MSH3: variants seen among roughly 807,000 people sequenced by gnomAD.
MSH3 encodes the protein mutS homolog 3.
Under a neutral mutation model 123.3 loss-of-function variants are expected in MSH3, and 106 were observed. That is an observed-to-expected ratio of 0.86 (90% CI 0.73 to 1.01). MSH3 has a LOEUF of 1.01. Among genes scored for constraint, MSH3 ranks in the 50% least tolerant of loss-of-function variants. MSH3 has a pLI of 0.00. For missense variants in MSH3, 1,459 were observed against 1,347.6 expected (o/e 1.08, Z -1.29); for synonymous variants, 515 against 481.4 (o/e 1.07, Z -0.91).
At chr5:80,759,544 G>C (rs1040171642) in intron 12 of MSH3, among the ~76,000 whole-genome samples, 1 of 152,196 alleles carries the variant, frequency 6.6e-6, no homozygotes, top group East Asian at 1.9e-4. Flanking sequence ...GATCTCAGGG[G>C]AGACCCAAGA....
At chr5:80,875,711 A>G in intron 23 of MSH3, 40 bp from the exon 24 acceptor site, 1 of 1,192,164 alleles carries the variant, frequency 8.4e-7, no homozygotes, top group Non-Finnish European at 1.2e-6. Context: ...TCTCCCAGCA[A>G]TTTCATTTAT....
chr5:80,743,106 A>G (rs1029789542), intron 11 of MSH3, among the ~76,000 whole-genome samples: 1 of 152,072 alleles, frequency 6.6e-6, no homozygotes, highest in South Asian at 2.1e-4. Context: ...GGTGCAGGGT[A>G]GGAGTTGGGT....
chr5:80,707,016 T>G (rs1750741568), intron 8 of MSH3, among the ~76,000 whole-genome samples: 1 of 152,228 alleles, frequency 6.6e-6, no homozygotes, highest in African/African-American at 2.4e-5. Context: ...TTTGCCTTTT[T>G]GCAGTGGTTT....
chr5:80,788,420 AAG>A (rs1294073415), intron 18 of MSH3, among the ~76,000 whole-genome samples: 3 of 152,082 alleles, frequency 2.0e-5, no homozygotes, highest in African/African-American at 7.2e-5. Context: ...CAGCCTGGGC[AAG>A]AGAGTGAGAC....
intron 21 of MSH3, among the ~76,000 whole-genome samples, chr5:80,860,016 A>C (rs1229181446): frequency 6.6e-6 from 1 of 152,134 alleles, no homozygotes; most frequent in East Asian, 1.9e-4. Flanking sequence ...TGAGTAATGC[A>C]CGTATTTTTT....
At chr5:80,830,747 G>A (rs1364855264) in intron 20 of MSH3, among the ~76,000 whole-genome samples, 1 of 152,184 alleles carries the variant, frequency 6.6e-6, no homozygotes, top group African/African-American at 2.4e-5. Context: ...CTTCGTAAGT[G>A]TCCTACACAT....
At chr5:80,667,906 G>C (rs1326408582) in intron 3 of MSH3, among the ~76,000 whole-genome samples, 1 of 152,174 alleles carries the variant, frequency 6.6e-6, no homozygotes, top group African/African-American at 2.4e-5. Flanking sequence ...ATGGGTTTCA[G>C]GCCTGTTTGT....
rs1745051746 is a variant in MSH3 at position 80,813,779 on chromosome 5, A to G, written c.2813+38A>G. The G allele has an allele frequency of 1.2e-6, 2 of 1,607,722 alleles. No individual in the cohort carries two copies. Among genetic ancestry groups the G allele is most frequent in the African/African-American group, 1.3e-5 (1 of 74,898 alleles). On this transcript the variant is annotated intron_variant, in intron 20 of 23. Transcript: ENST00000265081. Reference sequence around the variant, plus strand: ...ATTCAGCTTGCATATATTCTTGAAAATAAGTCAAGCCCACATTATCGCATG... The same window carrying G: ...ATTCAGCTTGCATATATTCTTGAAAGTAAGTCAAGCCCACATTATCGCATG...
At position 80,705,228 on chromosome 5, in the gene MSH3, T is replaced by G. The variant is rs1236230207; in HGVS notation, c.1341-20225T>G. On this transcript the variant is annotated intron_variant, in intron 8 of 23. Transcript: ENST00000265081. ...TTTTAAATATTCTGTATACTAACAG[T>G]CTTATTGCTTTCATGAAGCTGCCCT... Among the ~76,000 whole-genome samples the G allele has an allele frequency of 3.3e-5, 5 of 152,306 alleles. No individual in the cohort carries two copies. In the East Asian group the frequency reaches 9.6e-4, roughly 29 times the overall value.
intron 8 of MSH3, among the ~76,000 whole-genome samples, chr5:80,724,114 A>G (rs1751143867): frequency 6.6e-6 from 1 of 152,222 alleles, no homozygotes; most frequent in Non-Finnish European, 1.5e-5. Context: ...TGTGCAGGCT[A>G]CAACTGTAAC....
chr5:80,762,759 T>C (rs2112880803), intron 13 of MSH3, among the ~76,000 whole-genome samples: 1 of 150,058 alleles, frequency 6.7e-6, no homozygotes, highest in Admixed American at 6.6e-5. Flanking sequence ...TATTTTGTTT[T>C]ATTTTATTTT....
chr5:80,848,099 C>A (rs990266160), intron 20 of MSH3, among the ~76,000 whole-genome samples: 3 of 152,192 alleles, frequency 2.0e-5, no homozygotes, highest in African/African-American at 7.2e-5. Context: ...ATTAGCCAGG[C>A]ATGCCTGTAG....
At chr5:80,692,621 A>G (rs114811201) in intron 8 of MSH3, among the ~76,000 whole-genome samples, 1 of 145,792 alleles carries the variant, frequency 6.9e-6, no homozygotes, top group South Asian at 2.2e-4. Context: ...AATATATATA[A>G]ACATGTATAT....
At chr5:80,776,050 C>T (rs1312401254) in intron 16 of MSH3, among the ~76,000 whole-genome samples, 5 of 151,898 alleles carry the variant, frequency 3.3e-5, no homozygotes, top group South Asian at 2.1e-4. Context: ...CTACAACCCC[C>T]GGCTAATTTT....
At chr5:80,724,861 T>C (rs1743241235) in intron 8 of MSH3, among the ~76,000 whole-genome samples, 1 of 152,194 alleles carries the variant, frequency 6.6e-6, no homozygotes, top group Admixed American at 6.5e-5. Context: ...GTTTTTCTTT[T>C]TAAATAATGA....
intron 20 of MSH3, among the ~76,000 whole-genome samples, chr5:80,818,402 CAAAAAAAA>C (rs71603566): frequency 3.1e-5 from 2 of 63,832 alleles, no homozygotes; most frequent in Non-Finnish European, 5.5e-5. Context: ...ATAGCAATGA[CAAAAAAAA>C]AAAAAAAAAA....
chr5:80,668,948 A>C (rs916723618), intron 3 of MSH3, among the ~76,000 whole-genome samples: 1 of 152,196 alleles, frequency 6.6e-6, no homozygotes, highest in African/African-American at 2.4e-5. Context: ...TGGAGCATGC[A>C]GCCCTGGCTG....
At chr5:80,822,148 A>T (rs1209139798) in intron 20 of MSH3, among the ~76,000 whole-genome samples, 2 of 152,318 alleles carry the variant, frequency 1.3e-5, no homozygotes, top group South Asian at 2.1e-4. Flanking sequence ...AAGATTCTGT[A>T]CAAGTTCTCC....
At chr5:80,776,507 T>G (rs935641506) in intron 16 of MSH3, among the ~76,000 whole-genome samples, 3 of 152,180 alleles carry the variant, frequency 2.0e-5, no homozygotes, top group African/African-American at 7.2e-5. Context: ...ATAATTATTA[T>G]AATTCTTTAC....
Sources: gnomAD v4.1 joint callset for allele counts (sites outside exome capture counted in the v4.1 genomes callset) on GRCh38, gnomAD v4.1.1 for gene constraint, MANE v1.5 for transcripts, NCBI Gene and HGNC (gene_info 2026-07-23, HGNC 2026-07-21) for gene names.